The following NAV3 variants were observed in gnomAD, a reference collection of about 807,000 sequenced individuals.
NAV3 encodes the protein neuron navigator 3, also known as pore membrane and/or filament interacting like protein 1.
A neutral mutation model predicts 244.7 loss-of-function variants in NAV3; 87 were observed. The observed-to-expected ratio is 0.36, with a 90% CI of 0.30 to 0.42. The LOEUF is 0.42. Ranked by LOEUF, NAV3 falls within the 20% of genes least tolerant of loss-of-function variation. The pLI is 1.00. For synonymous variants in NAV3, 1,126 were observed against 1,042.2 expected (o/e 1.08, Z -1.55); for missense variants, 2,663 against 2,893.3 (o/e 0.92, Z 1.83).
intron 9 of NAV3, among the ~76,000 whole-genome samples, chr12:78,033,892 C>A (rs1879411225): frequency 6.6e-6 from 1 of 152,092 alleles, no homozygotes; most frequent in African/African-American, 2.4e-5. Flanking sequence ...AACTTAAGAG[C>A]CATTGCTTGG....
intron 22 of NAV3, among the ~76,000 whole-genome samples, chr12:78,152,521 T>C (rs889790775): frequency 2.0e-5 from 3 of 151,884 alleles, no homozygotes; most frequent in Non-Finnish European, 4.4e-5. Context: ...TCATTCATTT[T>C]CTTTGTGTTT....
At chr12:77,634,746 T>A (rs1467185404) in intron 2 of NAV3, among the ~76,000 whole-genome samples, 3 of 152,160 alleles carry the variant, frequency 2.0e-5, no homozygotes, top group Non-Finnish European at 2.9e-5. Flanking sequence ...GGTAATTTTT[T>A]TAATTCTTAT....
At chr12:78,143,626 G>GAAAAAAAA (rs71088361) in intron 20 of NAV3, among the ~76,000 whole-genome samples, 1 of 75,958 alleles carries the variant, frequency 1.3e-5, no homozygotes. Context: ...CACTGTCTCA[G>GAAAAAAAA]AAAAAAAAAA....
intron 2 of NAV3, among the ~76,000 whole-genome samples, chr12:77,688,784 A>C (rs1874874102): frequency 6.6e-6 from 1 of 151,970 alleles, no homozygotes. Flanking sequence ...CTAAAAAACG[A>C]GAAATTCAAT....
chr12:77,612,546 C>A (rs1870961751), intron 2 of NAV3, among the ~76,000 whole-genome samples: 1 of 152,042 alleles, frequency 6.6e-6, no homozygotes, highest in African/African-American at 2.4e-5. Flanking sequence ...CATTGCTTTC[C>A]CCATATAATT....
intron 2 of NAV3, among the ~76,000 whole-genome samples, chr12:77,795,900 C>T (rs544543784): frequency 1.3e-5 from 2 of 152,160 alleles, no homozygotes; most frequent in Non-Finnish European, 2.9e-5. Context: ...TGGGGACCTA[C>T]TGCTTGGAAA....
At chr12:78,161,383 A>G (rs1593849391) in intron 23 of NAV3, among the ~76,000 whole-genome samples, 1 of 152,250 alleles carries the variant, frequency 6.6e-6, no homozygotes, top group African/African-American at 2.4e-5. Flanking sequence ...GAGTGTTAGA[A>G]TTTAAGTCTC....
chr12:78,092,915 A>T lies in NAV3; in HGVS notation c.2637-23857A>T, dbSNP rs563471441. Among the ~76,000 whole-genome samples the T allele has an allele frequency of 1.6e-4, 4 of 24,276 alleles. No individual in the cohort carries two copies. The East Asian group carries it at 4.0e-3, about 24-fold the overall frequency. 15.9% of individuals were successfully genotyped at this position (24,276 alleles called of 152,430 possible). The stretch of plus-strand genomic sequence containing the variant: ...TGTTTCTCCCTGCTGCAGAGCACAG[A>T]ACAATGTATGTAACTTGGCTTTCAT... On this transcript the variant is annotated intron_variant, in intron 12 of 39. Coordinates refer to ENST00000397909, the MANE Select transcript of NAV3 (RefSeq NM_001024383.2).
At chr12:77,940,284 C>A in intron 1 of NAV3, 35 bp from the exon 2 acceptor site, 1 of 1,474,024 alleles carries the variant, frequency 6.8e-7, no homozygotes, top group Non-Finnish European at 9.4e-7. Context: ...TTTTCCCTCA[C>A]CCCATCTCAC....
chr12:77,801,770 T>A (rs1319437697), intron 2 of NAV3, among the ~76,000 whole-genome samples: 1 of 152,154 alleles, frequency 6.6e-6, no homozygotes, highest in Non-Finnish European at 1.5e-5. Context: ...AAAATTAAGA[T>A]CTATTCCTGA....
chr12:78,179,388 T>C, intron 28 of NAV3, 141 bp from the exon 29 acceptor site: 2 of 871,358 alleles, frequency 2.3e-6, no homozygotes, highest in Non-Finnish European at 3.4e-6. Flanking sequence ...AAACTCCTTC[T>C]CCTTTTCTCT....
rs1175248875 is a variant in NAV3, at chr12:77,655,932, T to C, written c.72+83666T>C. On this transcript the variant is annotated intron_variant, in intron 2 of 8. Coordinates refer to the NAV3 transcript ENST00000550042. ...TGAGAGATTTTGTCACCACCAGGCC[T>C]GCCCTAAAAGAGCTCCTGAAGGAAG... Among the ~76,000 whole-genome samples the C allele has an allele frequency of 1.4e-5, 2 of 144,042 alleles. 1 individual carries two copies. Among genetic ancestry groups the C allele is most frequent in the African/African-American group, 5.6e-5 (2 of 35,910 alleles). The allele number at this position is 144,042 out of a possible 152,430, so 94.5% of individuals were successfully genotyped here.
intron 1 of NAV3, among the ~76,000 whole-genome samples, chr12:77,878,682 A>C (rs1882193260): frequency 1.3e-5 from 2 of 151,606 alleles, no homozygotes; most frequent in Non-Finnish European, 2.9e-5. Flanking sequence ...AAAAAAAAAA[A>C]CAAGGTCTTT....
chr12:77,765,915 T>A (rs1869726973), intron 2 of NAV3, among the ~76,000 whole-genome samples: 1 of 151,986 alleles, frequency 6.6e-6, no homozygotes, highest in African/African-American at 2.4e-5. Flanking sequence ...GAGTCGGTGG[T>A]GAAATTTGCA....
At chr12:77,859,261 T>A (rs780391522) in intron 1 of NAV3, among the ~76,000 whole-genome samples, 1 of 152,064 alleles carries the variant, frequency 6.6e-6, no homozygotes, top group Non-Finnish European at 1.5e-5. Flanking sequence ...TAAACTTTCC[T>A]TGGGATTCAG....
chr12:77,987,016 A>G (rs1245055553), intron 5 of NAV3, among the ~76,000 whole-genome samples: 4 of 152,204 alleles, frequency 2.6e-5, no homozygotes, highest in Non-Finnish European at 4.4e-5. Flanking sequence ...GACTATGAGA[A>G]TAGTTGCTTA....
intron 2 of NAV3, among the ~76,000 whole-genome samples, chr12:77,603,206 A>G (rs1646398263): frequency 1.3e-5 from 2 of 152,028 alleles, no homozygotes; most frequent in South Asian, 2.1e-4. Context: ...ACGACAATTC[A>G]TGCTCTTTGG....
At chr12:77,791,782 C>T (rs1474107036) in intron 2 of NAV3, among the ~76,000 whole-genome samples, 1 of 152,220 alleles carries the variant, frequency 6.6e-6, no homozygotes, top group Non-Finnish European at 1.5e-5. Flanking sequence ...CTGTACTGAA[C>T]ATTCACAGAC....
At chr12:77,750,265 A>G (rs1868778519) in intron 2 of NAV3, among the ~76,000 whole-genome samples, 1 of 152,176 alleles carries the variant, frequency 6.6e-6, no homozygotes, top group Non-Finnish European at 1.5e-5. Context: ...ATGCAGGAGA[A>G]TCTTTTGAAC....
Sources: allele counts gnomAD v4.1 joint callset (sites outside exome capture counted in the v4.1 genomes callset), GRCh38; gene constraint gnomAD v4.1.1; transcripts MANE v1.5; gene names NCBI Gene and HGNC (gene_info 2026-07-23, HGNC 2026-07-21).